CCNY: variants seen among roughly 807,000 people sequenced by gnomAD.
CCNY encodes cyclin-Y.
CCNY carries 19 observed loss-of-function variants against 42.8 expected under a neutral mutation model. The observed-to-expected ratio is 0.44, with a 90% confidence interval of 0.31 to 0.65. The LOEUF (loss-of-function observed/expected upper bound fraction) is 0.65, where lower values mean the gene tolerates loss of function less well. CCNY is among the 30% of genes least tolerant of loss of function. The probability of loss-of-function intolerance (pLI) is 0.07; values close to 1 mark genes in which losing one functional copy is unlikely to be tolerated. For missense variants in CCNY, 370 were observed against 437.3 expected, an observed-to-expected ratio of 0.85 and a Z score of 1.37; for synonymous variants, 165 against 162.7, an observed-to-expected ratio of 1.01 and a Z score of -0.11.
chr10:35,363,112 G>A (rs1424034921), intron 1 of CCNY, among the ~76,000 whole-genome samples: 1 of 150,806 alleles, frequency 6.6e-6, no homozygotes, highest in African/African-American at 2.4e-5. Flanking sequence ...AGCTTGTGAG[G>A]TGGCCGGCAG....
intron 4 of CCNY, among the ~76,000 whole-genome samples, chr10:35,525,371 G>T (rs532923484): frequency 6.6e-6 from 1 of 152,098 alleles, no homozygotes; most frequent in Non-Finnish European, 1.5e-5. Context: ...AAAAGAAAAA[G>T]TTCAGGGAAG....
At chr10:35,290,241 C>CACACACAT (rs1835398080) in intron 3 of CCNY, among the ~76,000 whole-genome samples, 1 of 149,904 alleles carries the variant, frequency 6.7e-6, no homozygotes, top group Non-Finnish European at 1.5e-5. Context: ...CACACACACA[C>CACACACAT]ACACACACAC....
rs554462180 is a variant in CCNY, at chr10:35,447,270, C to T, written c.155-36134C>T. Among the ~76,000 whole-genome samples, 450 of 152,330 alleles carry T rather than the reference C, an allele frequency of 3.0e-3. 3 individuals carry two copies. Among genetic ancestry groups the T allele is most frequent in the African/African-American group, 0.01 (434 of 41,582 alleles). On this transcript the variant is annotated intron_variant, in intron 1 of 9. Coordinates refer to ENST00000374704, the MANE Select transcript of CCNY (RefSeq NM_145012.6). ...CCAGCCTGTGTGACAGAGCGAGACT[C>T]CATCTAAGAAAGCTGGTTTAGTTTG...
intron 1 of CCNY, among the ~76,000 whole-genome samples, chr10:35,478,234 A>G (rs1357539585): frequency 7.4e-5 from 11 of 149,260 alleles, no homozygotes; most frequent in African/African-American, 2.2e-4. Context: ...TACAGATTCA[A>G]TGCCATCCCC....
At chr10:35,378,565 TA>T (rs1381561636) in intron 1 of CCNY, among the ~76,000 whole-genome samples, 1 of 151,828 alleles carries the variant, frequency 6.6e-6, no homozygotes, top group African/African-American at 2.4e-5. Context: ...TGAGAAAAGT[TA>T]GGAGGGTTTT....
chr10:35,465,646 G>A (rs1270082166), intron 1 of CCNY, among the ~76,000 whole-genome samples: 4 of 152,026 alleles, frequency 2.6e-5, no homozygotes, highest in South Asian at 4.1e-4. Context: ...CTTGCCTTGC[G>A]TGTCTACTGG....
At chr10:35,386,558 G>T (rs1837303466) in intron 1 of CCNY, among the ~76,000 whole-genome samples, 1 of 152,066 alleles carries the variant, frequency 6.6e-6, no homozygotes. Context: ...TTTATTATTG[G>T]CTTTTACAAT....
chr10:35,263,470 G>T (rs1030648684), intron 3 of CCNY, among the ~76,000 whole-genome samples: 1 of 151,326 alleles, frequency 6.6e-6, no homozygotes, highest in Non-Finnish European at 1.5e-5. Context: ...TAGCCAAGGA[G>T]TTCAAGGCTG....
chr10:35,326,328 G>T (rs1014118711), intron 3 of CCNY, among the ~76,000 whole-genome samples: 1 of 152,082 alleles, frequency 6.6e-6, no homozygotes, highest in African/African-American at 2.4e-5. Flanking sequence ...TGCACATACA[G>T]TTACTCAAAG....
chr10:35,384,805 A>G (rs1837268615), intron 1 of CCNY, among the ~76,000 whole-genome samples: 2 of 152,190 alleles, frequency 1.3e-5, no homozygotes, highest in South Asian at 4.2e-4. Flanking sequence ...TTTCCTCACA[A>G]ATTGCTTCCG....
chr10:35,375,316 C>T (rs909669837), intron 1 of CCNY, among the ~76,000 whole-genome samples: 1 of 152,150 alleles, frequency 6.6e-6, no homozygotes, highest in Non-Finnish European at 1.5e-5. Context: ...CATTCCTTGG[C>T]TTCAGGCCCT....
chr10:35,507,382 G>A (rs928638127), intron 3 of CCNY, among the ~76,000 whole-genome samples: 2 of 152,148 alleles, frequency 1.3e-5, no homozygotes, highest in Admixed American at 1.3e-4. Context: ...CCTTTAGCCA[G>A]ATTCATCAGT....
At chr10:35,534,999 ATGTGTGTG>A (rs59534409) in intron 7 of CCNY, among the ~76,000 whole-genome samples, 425 of 133,550 alleles carry the variant, frequency 3.2e-3, no homozygotes, top group African/African-American at 8.5e-3. Context: ...ATCTATATAT[ATGTGTGTG>A]TGTGTGTGTG....
chr10:35,386,987 A>C (rs1029009610), intron 1 of CCNY, among the ~76,000 whole-genome samples: 5 of 152,144 alleles, frequency 3.3e-5, no homozygotes, highest in African/African-American at 1.2e-4. Context: ...GCAGGCCTTC[A>C]GTGATTTCCT....
At chr10:35,421,079 C>G (rs944281943) in intron 1 of CCNY, among the ~76,000 whole-genome samples, 1 of 152,162 alleles carries the variant, frequency 6.6e-6, no homozygotes, top group Admixed American at 6.5e-5. Flanking sequence ...CCAGTGCCGG[C>G]TCTGCTTTGG....
intron 3 of CCNY, among the ~76,000 whole-genome samples, chr10:35,276,990 A>T (rs988006679): frequency 6.6e-6 from 1 of 152,206 alleles, no homozygotes; most frequent in Admixed American, 6.5e-5. Flanking sequence ...ATGCTCACTT[A>T]TCCAGCTTTA....
intron 7 of CCNY, among the ~76,000 whole-genome samples, chr10:35,548,521 C>T (rs1034496926): frequency 6.6e-6 from 1 of 152,120 alleles, no homozygotes; most frequent in Non-Finnish European, 1.5e-5. Context: ...TGGTCTCGAT[C>T]TCCTGACCTT....
intron 3 of CCNY, among the ~76,000 whole-genome samples, chr10:35,269,733 G>C (rs1430356559): frequency 6.6e-6 from 1 of 151,392 alleles, no homozygotes; most frequent in Non-Finnish European, 1.5e-5. Context: ...GGGTTCAAGC[G>C]ATTCTCCTGC....
chr10:35,504,057 T>C (rs1840166370), intron 3 of CCNY, among the ~76,000 whole-genome samples: 1 of 152,256 alleles, frequency 6.6e-6, no homozygotes, highest in Non-Finnish European at 1.5e-5. Flanking sequence ...TTTCATTTTT[T>C]ATTTGCTTTA....
Sources: gnomAD v4.1 joint callset for allele counts (sites outside exome capture counted in the v4.1 genomes callset) on GRCh38, gnomAD v4.1.1 for gene constraint, MANE v1.5 for transcripts, NCBI Gene and HGNC (gene_info 2026-07-23, HGNC 2026-07-21) for gene names.